The following PTCHD4 variants were observed in gnomAD, a reference collection of about 807,000 sequenced individuals.
PTCHD4 encodes the protein patched domain containing 4, also known as patched domain-containing protein 4.
PTCHD4 carries 33 observed loss-of-function variants against 58.1 expected under a neutral mutation model. The observed-to-expected ratio is 0.57, with a 90% CI of 0.43 to 0.76. The LOEUF (loss-of-function observed/expected upper bound fraction) is 0.76. PTCHD4 is among the 30% of genes least tolerant of loss of function. The probability of loss-of-function intolerance (pLI) is 0.00; values close to 1 mark genes in which losing one functional copy is unlikely to be tolerated. For missense variants in PTCHD4, 1,058 were observed against 1,027.1 expected (o/e 1.03, Z -0.41); for synonymous variants, 478 against 409.6 (o/e 1.17, Z -2.02).
intron 1 of PTCHD4, among the ~76,000 whole-genome samples, chr6:48,108,046 T>C (rs1431246882): frequency 1.3e-5 from 2 of 152,178 alleles, no homozygotes; most frequent in African/African-American, 2.4e-5. Flanking sequence ...AGTGTGGCGA[T>C]TCCTCAGGGA....
At chr6:47,937,588 C>T (rs1766049782) in intron 4 of PTCHD4, among the ~76,000 whole-genome samples, 1 of 152,100 alleles carries the variant, frequency 6.6e-6, no homozygotes, top group Admixed American at 6.5e-5. Context: ...GCTATTAGGT[C>T]TATGAGCATC....
intron 3 of PTCHD4, among the ~76,000 whole-genome samples, chr6:48,061,492 T>A (rs949126065): frequency 6.6e-6 from 1 of 152,164 alleles, no homozygotes; most frequent in African/African-American, 2.4e-5. Flanking sequence ...ACATCATGAA[T>A]TAGGAGTGCT....
intron 4 of PTCHD4, among the ~76,000 whole-genome samples, chr6:47,890,716 G>T (rs1438440615): frequency 1.3e-5 from 2 of 151,746 alleles, no homozygotes; most frequent in Non-Finnish European, 2.9e-5. Context: ...GGCTTTGTAA[G>T]GGGGGGGATT....
rs114781486 is a variant in PTCHD4 at position 48,100,777 on chromosome 6, C to A, written c.-970+10272G>T. Among the ~76,000 whole-genome samples, 683 of 152,292 alleles carry A rather than the reference C, an allele frequency of 4.5e-3. 6 individuals carry two copies. The highest frequency in any genetic ancestry group is 0.015 in the African/African-American group (641 of 41,560). On this transcript the variant is annotated intron_variant, in intron 1 of 4. Transcript: ENST00000339488. ...TGTGTGTTTCTTGCTTCAGCCTTCA[C>A]ATAAACACATATACATTTTTTTCTT...
intron 4 of PTCHD4, among the ~76,000 whole-genome samples, chr6:47,979,535 CT>C (rs563618287): frequency 1.0e-3 from 153 of 151,970 alleles, no homozygotes; most frequent in African/African-American, 3.5e-3. Flanking sequence ...ATTCTTTCAG[CT>C]TTTTTGGTTA....
intron 4 of PTCHD4, among the ~76,000 whole-genome samples, chr6:47,949,849 A>T (rs1170565815): frequency 1.3e-5 from 2 of 151,814 alleles, no homozygotes; most frequent in Admixed American, 6.6e-5. Flanking sequence ...GTGCTAACTA[A>T]TGCAGTAAGG....
chr6:48,089,669 C>T (rs1451818279), intron 1 of PTCHD4, among the ~76,000 whole-genome samples: 2 of 152,178 alleles, frequency 1.3e-5, no homozygotes, highest in East Asian at 1.9e-4. Context: ...TTAATCAGCT[C>T]TTTAAATAGT....
intron 3 of PTCHD4, among the ~76,000 whole-genome samples, chr6:48,030,386 G>A (rs141197730): frequency 2.6e-5 from 4 of 152,116 alleles, no homozygotes; most frequent in Non-Finnish European, 5.9e-5. Context: ...CTGTAAACAG[G>A]ACTAGATTCT....
At chr6:48,024,340 C>T (rs775569219) in intron 3 of PTCHD4, among the ~76,000 whole-genome samples, 9 of 152,114 alleles carry the variant, frequency 5.9e-5, no homozygotes, top group South Asian at 2.1e-4. Context: ...CTAAAATGAA[C>T]GAAAGATTCC....
In PTCHD4 at chr6:48,069,928, T is replaced by TG. The variant is rs1269008418; in HGVS notation, c.-969-3dup. On this transcript the variant is annotated splice_polypyrimidine_tract_variant and splice_region_variant and intron_variant, in intron 1 of 4. Coordinates refer to ENST00000339488, the MANE Select transcript of PTCHD4 (RefSeq NM_001384253.1). ...TCCAGACACACCAGGTAGTTTTGCC[T>TG]GAAAAAAAAGAGAGTCGGGTGGGTA... 2.0e-5 allele frequency among the ~76,000 whole-genome samples: 3 copies of TG among 151,734 alleles called. No homozygotes were observed. Among genetic ancestry groups the TG allele is most frequent in the African/African-American group, 7.3e-5 (3 of 41,286 alleles).
chr6:47,933,082 G>T (rs1007470815), intron 4 of PTCHD4, among the ~76,000 whole-genome samples: 5 of 152,166 alleles, frequency 3.3e-5, no homozygotes, highest in South Asian at 4.1e-4. Flanking sequence ...AGAGTTCAAG[G>T]TTACACTTTC....
chr6:47,897,923 T>A (rs1764573900), intron 4 of PTCHD4, among the ~76,000 whole-genome samples: 1 of 150,548 alleles, frequency 6.6e-6, no homozygotes, highest in South Asian at 2.1e-4. Context: ...ATTTCATCCT[T>A]TCTTTTTTCT....
At chr6:48,081,838 A>T (rs554452793) in intron 1 of PTCHD4, among the ~76,000 whole-genome samples, 1 of 152,368 alleles carries the variant, frequency 6.6e-6, no homozygotes, top group Admixed American at 6.5e-5. Flanking sequence ...TATGCTAAAC[A>T]GTAGGCTATT....
In PTCHD4 at chr6:47,869,247, A is replaced by G. The variant is rs781387116; in HGVS notation, c.*9056T>C. ...AAGTGGTGCTGATAGCCCCTGAACA[A>G]TTATGCCCCAGCTTGAAACTGTATA... On this transcript the variant is annotated 3_prime_UTR_variant, in exon 5 of 5. Coordinates refer to ENST00000339488, the MANE Select transcript of PTCHD4 (RefSeq NM_001384253.1). Among the ~76,000 whole-genome samples, 1 of 151,718 alleles carries G rather than the reference A, an allele frequency of 6.6e-6. No individual in the cohort carries two copies. The highest frequency in any genetic ancestry group is 1.5e-5 in the Non-Finnish European group (1 of 67,800).
intron 4 of PTCHD4, among the ~76,000 whole-genome samples, chr6:47,960,256 A>G (rs905178362): frequency 6.6e-6 from 1 of 152,156 alleles, no homozygotes; most frequent in African/African-American, 2.4e-5. Context: ...AAGATAGAAT[A>G]ACAAAAGCAC....
rs956037736 is a variant in PTCHD4 at position 47,861,591 on chromosome 6, A to G, written c.*16712T>C. Among the ~76,000 whole-genome samples the G allele has an allele frequency of 2.6e-5, 4 of 152,110 alleles. No individual in the cohort carries two copies. Among genetic ancestry groups the G allele is most frequent in the African/African-American group, 9.6e-5 (4 of 41,550 alleles). ...ACATTTATGTCCAACAAACAAAAAA[A>G]TCAGTATAGCAACTTCTATTTATTA... On this transcript the variant is annotated 3_prime_UTR_variant, in exon 5 of 5. Coordinates refer to ENST00000339488, the MANE Select transcript of PTCHD4 (RefSeq NM_001384253.1).
chr6:47,889,833 C>T (rs574620919), intron 4 of PTCHD4, among the ~76,000 whole-genome samples: 5,318 of 150,772 alleles, frequency 0.035, 146 homozygotes, highest in Non-Finnish European at 0.047. Context: ...GCAATGGCAA[C>T]AAAAGACAAA....
intron 4 of PTCHD4, among the ~76,000 whole-genome samples, chr6:47,977,689 A>C (rs960058409): frequency 6.6e-5 from 10 of 150,768 alleles, no homozygotes; most frequent in Non-Finnish European, 1.5e-4. Context: ...ATGCTGCAAT[A>C]GATAGCTAAA....
chr6:47,923,319 T>C (rs1392372236), intron 4 of PTCHD4, among the ~76,000 whole-genome samples: 1 of 152,158 alleles, frequency 6.6e-6, no homozygotes, highest in Non-Finnish European at 1.5e-5. Context: ...AACTTGGAAG[T>C]ATATTATATA....
Sources: gnomAD v4.1 joint callset for allele counts (sites outside exome capture counted in the v4.1 genomes callset) on GRCh38, gnomAD v4.1.1 for gene constraint, MANE v1.5 for transcripts, NCBI Gene and HGNC (gene_info 2026-07-23, HGNC 2026-07-21) for gene names.